The following CCSER1 variants were observed in gnomAD, a reference collection of about 807,000 sequenced individuals.
The protein encoded by CCSER1 is coiled-coil serine rich protein 1, also known as serine-rich coiled-coil domain-containing protein 1.
In CCSER1, 41 loss-of-function variants were observed where a neutral mutation model predicts 82.0. The observed-to-expected ratio is 0.50, with a 90% confidence interval of 0.39 to 0.65. The LOEUF (loss-of-function observed/expected upper bound fraction) is 0.65. Ranked by LOEUF, CCSER1 falls within the 30% of genes least tolerant of loss-of-function variation. The pLI is 0.00. For synonymous variants in CCSER1, 414 were observed against 383.9 expected (o/e 1.08, Z -0.92); for missense variants, 1,119 against 1,064.2 (o/e 1.05, Z -0.72).
At chr4:90,618,833 G>C (rs1010246279) in intron 5 of CCSER1, among the ~76,000 whole-genome samples, 1 of 151,674 alleles carries the variant, frequency 6.6e-6, no homozygotes, top group Non-Finnish European at 1.5e-5. Flanking sequence ...CCTGGAGTTT[G>C]TGACTTAAAA....
At chr4:91,004,031 C>T (rs1371568852) in intron 9 of CCSER1, among the ~76,000 whole-genome samples, 1 of 152,212 alleles carries the variant, frequency 6.6e-6, no homozygotes, top group Non-Finnish European at 1.5e-5. Context: ...GCAGACAATT[C>T]CCCTTTCTAC....
chr4:90,386,091 T>A (rs1468944675), intron 3 of CCSER1, among the ~76,000 whole-genome samples: 2 of 152,120 alleles, frequency 1.3e-5, no homozygotes, highest in African/African-American at 4.8e-5. Context: ...CCCAAAGCAA[T>A]CGACAGATTA....
At chr4:91,517,322 G>C (rs1276737090) in intron 10 of CCSER1, among the ~76,000 whole-genome samples, 3 of 152,252 alleles carry the variant, frequency 2.0e-5, no homozygotes, top group Non-Finnish European at 2.9e-5. Context: ...ATATGATGTT[G>C]GGTGGGGGTT....
At chr4:90,865,634 T>C (rs1580836484) in intron 8 of CCSER1, among the ~76,000 whole-genome samples, 1 of 152,174 alleles carries the variant, frequency 6.6e-6, no homozygotes, top group Middle Eastern at 3.4e-3. Context: ...TAGCATTATA[T>C]CCTCCTATTT....
chr4:90,928,950 G>A (rs938263231), intron 9 of CCSER1, among the ~76,000 whole-genome samples: 3 of 152,026 alleles, frequency 2.0e-5, no homozygotes, highest in Admixed American at 6.6e-5. Flanking sequence ...AACAGCCGAC[G>A]CAACTTCTAT....
intron 9 of CCSER1, among the ~76,000 whole-genome samples, chr4:90,998,875 G>A (rs1202854573): frequency 1.3e-5 from 2 of 151,938 alleles, no homozygotes; most frequent in East Asian, 1.9e-4. Context: ...TCCCACTCTT[G>A]CCTCCCTCCC....
chr4:90,841,924 G>T (rs188975383), intron 8 of CCSER1, among the ~76,000 whole-genome samples: 242 of 152,226 alleles, frequency 1.6e-3, no homozygotes, highest in African/African-American at 5.6e-3. Context: ...GAGAATTTGG[G>T]CATGACTCAC....
At chr4:90,625,927 C>G (rs1723171483) in intron 5 of CCSER1, among the ~76,000 whole-genome samples, 1 of 152,028 alleles carries the variant, frequency 6.6e-6, no homozygotes. Flanking sequence ...AGTAAATTCC[C>G]TGAAATACAG....
At chr4:90,212,009 T>C (rs999739790) in intron 1 of CCSER1, among the ~76,000 whole-genome samples, 1 of 152,210 alleles carries the variant, frequency 6.6e-6, no homozygotes, top group African/African-American at 2.4e-5. Context: ...CTTTAGTTAT[T>C]TGAATACAGC....
intron 9 of CCSER1, among the ~76,000 whole-genome samples, chr4:90,977,377 T>C (rs891018705): frequency 2.0e-5 from 3 of 151,074 alleles, no homozygotes; most frequent in African/African-American, 7.3e-5. Flanking sequence ...TATACATACG[T>C]ATATATATAT....
At chr4:90,863,757 G>GA (rs968274431) in intron 8 of CCSER1, among the ~76,000 whole-genome samples, 1 of 151,658 alleles carries the variant, frequency 6.6e-6, no homozygotes, top group Non-Finnish European at 1.5e-5. Context: ...GGAAGGAAAG[G>GA]AAAAAAGATT....
At chr4:91,146,837 G>C (rs1416674092) in intron 10 of CCSER1, among the ~76,000 whole-genome samples, 1 of 152,098 alleles carries the variant, frequency 6.6e-6, no homozygotes, top group Non-Finnish European at 1.5e-5. Context: ...TGGCACTTAA[G>C]AGTAAGGGTA....
At chr4:91,511,326 G>A (rs1759812288) in intron 10 of CCSER1, among the ~76,000 whole-genome samples, 1 of 151,984 alleles carries the variant, frequency 6.6e-6, no homozygotes. Flanking sequence ...TGTTCTATGT[G>A]AATTTTAGAA....
intron 6 of CCSER1, among the ~76,000 whole-genome samples, chr4:90,657,044 T>C (rs1036840803): frequency 2.6e-5 from 4 of 152,118 alleles, no homozygotes; most frequent in African/African-American, 9.6e-5. Flanking sequence ...TTGAACTTTA[T>C]ACATTTCTAC....
chr4:90,969,948 A>G (rs1390919928), intron 9 of CCSER1, among the ~76,000 whole-genome samples: 1 of 151,452 alleles, frequency 6.6e-6, no homozygotes, highest in Non-Finnish European at 1.5e-5. Flanking sequence ...CCTCTAGTAA[A>G]TATACATAGA....
intron 1 of CCSER1, among the ~76,000 whole-genome samples, chr4:90,135,227 G>C (rs913301388): frequency 6.6e-6 from 1 of 151,990 alleles, no homozygotes; most frequent in Non-Finnish European, 1.5e-5. Flanking sequence ...CGTATTTCTA[G>C]TAATTAGGCT....
intron 6 of CCSER1, chr4:90,682,871 AT>A (rs1734149179): frequency 6.6e-6 from 1 of 152,120 alleles, no homozygotes; most frequent in Non-Finnish European, 1.5e-5. Flanking sequence ...TTTTAAAAGA[AT>A]TTTAATTAAT....
At chr4:90,477,409 A>G (rs1765255800) in intron 5 of CCSER1, among the ~76,000 whole-genome samples, 1 of 152,182 alleles carries the variant, frequency 6.6e-6, no homozygotes, top group Non-Finnish European at 1.5e-5. Flanking sequence ...TTGTGAAAGT[A>G]TTCAATTTTC....
intron 7 of CCSER1, among the ~76,000 whole-genome samples, chr4:90,807,059 G>A (rs192133525): frequency 9.9e-4 from 150 of 152,162 alleles, no homozygotes; most frequent in Non-Finnish European, 1.7e-3. Context: ...TTGTCGTAAG[G>A]TGGTTATAGT....
Sources: allele counts gnomAD v4.1 joint callset (sites outside exome capture counted in the v4.1 genomes callset), GRCh38; gene constraint gnomAD v4.1.1; transcripts MANE v1.5; gene names NCBI Gene and HGNC (gene_info 2026-07-23, HGNC 2026-07-21).